Variants in NUP205 observed in about 807,000 individuals in gnomAD.
NUP205 encodes nuclear pore complex protein Nup205.
NUP205 carries 76 observed loss-of-function variants against 253.8 expected under a neutral mutation model. The observed-to-expected ratio is 0.30, with a 90% confidence interval of 0.25 to 0.36. The LOEUF is 0.36. NUP205 is among the 10% of genes least tolerant of loss of function. The probability of loss-of-function intolerance (pLI) is 1.00; values close to 1 mark genes in which losing one functional copy is unlikely to be tolerated. For synonymous variants in NUP205, 832 were observed against 850.1 expected (o/e 0.98, Z 0.37); for missense variants, 2,162 against 2,425.5 (o/e 0.89, Z 2.28).
rs770476500 is a variant in NUP205, at chr7:135,625,179, C to T, written c.4495C>T (p.Leu1499=). 3 of 1,612,844 alleles carry T rather than the reference C, an allele frequency of 1.9e-6. No homozygotes were observed. Among genetic ancestry groups the T allele is most frequent in the Admixed American group, 3.4e-5 (2 of 59,534 alleles). Residue 1499 remains leucine (L), a synonymous_variant, in exon 32 of 43, where the codon CTA becomes TTA. Coordinates refer to ENST00000285968, the MANE Select transcript of NUP205 (RefSeq NM_015135.3). ...HEIGRMLALA[L]LDRIVSVDKQ... ...CTTCCTTCAGATGCTGGCCCTGGCT[C>T]TACTTGATAGAATTGTCTCCGTGGA... is the stretch of plus-strand genomic sequence containing the variant.
At chr7:135,591,201 T>C (rs1026731167) in intron 10 of NUP205, among the ~76,000 whole-genome samples, 2 of 152,252 alleles carry the variant, frequency 1.3e-5, no homozygotes, top group Non-Finnish European at 2.9e-5. Flanking sequence ...AGTGGTCTTA[T>C]ATTTTGTGAC....
intron 30 of NUP205, among the ~76,000 whole-genome samples, chr7:135,620,176 A>G (rs1388102346): frequency 1.3e-5 from 2 of 152,192 alleles, no homozygotes; most frequent in Admixed American, 6.5e-5. Context: ...TGTGCTCTAC[A>G]TAGAATGGTC....
chr7:135,578,648 T>G (rs1806219160), intron 6 of NUP205, 103 bp from the exon 7 acceptor site: 1 of 768,180 alleles, frequency 1.3e-6, no homozygotes, highest in Non-Finnish European at 2.1e-6. Context: ...ATTATTCTTC[T>G]GTGAGAATGC....
At chr7:135,648,342 T>C in intron 42 of NUP205, 62 bp from the exon 43 acceptor site, 1 of 1,399,156 alleles carries the variant, frequency 7.1e-7, no homozygotes, top group Non-Finnish European at 9.4e-7. Flanking sequence ...ATTGGAAGAC[T>C]TAGAATAAAA....
rs572512251 is a variant in NUP205, at chr7:135,578,888, G to A, written c.1015G>A (p.Gly339Arg). The A allele has an allele frequency of 3.7e-6, 6 of 1,603,636 alleles. No homozygotes were observed. In the East Asian group the frequency reaches 9.0e-5, roughly 24 times the overall value. The change falls in exon 7 of 43, where the codon GGA (glycine) becomes AGA (arginine). Residue 339 changes from glycine (G) to arginine (R), a missense_variant. By Grantham distance (125) the Gly-to-Arg change is moderately radical. Around this residue, in one of 5 missense-constraint regions of NUP205, gnomAD observed 892 missense variants for 957.1 expected, o/e 0.93. Transcript: ENST00000285968. ...VRLAWALALR[G>R]ISQLPDVTAL... ...ACTTGCCTGGGCGCTGGCATTGAGG[G>A]GAATATCCCAGCTACCTGATGTGAC... is the stretch of plus-strand genomic sequence containing the variant.
intron 1 of NUP205, among the ~76,000 whole-genome samples, chr7:135,570,678 T>TATTAATATAATTAATATA (rs1805938271): frequency 1.0e-5 from 1 of 96,478 alleles, no homozygotes; most frequent in South Asian, 3.2e-4. Flanking sequence ...AATTAATATA[T>TATTAATATAATTAATATA]ATTAATTATA....
At chr7:135,604,292 C>T (rs1479800250) in intron 18 of NUP205, 48 bp from the exon 19 acceptor site, 1 of 1,538,358 alleles carries the variant, frequency 6.5e-7, no homozygotes, top group Non-Finnish European at 8.7e-7. Context: ...AATAGTGAGA[C>T]ACCAAAAATT....
At chr7:135,577,165 T>A (rs770239888) in intron 5 of NUP205, 37 bp downstream of exon 5, 4 of 1,572,606 alleles carry the variant, frequency 2.5e-6, no homozygotes. Flanking sequence ...GAGTTGTCTG[T>A]CAAATCTCAG....
chr7:135,572,347 A>G (rs1334875022), intron 2 of NUP205, among the ~76,000 whole-genome samples: 1 of 152,104 alleles, frequency 6.6e-6, no homozygotes, highest in Non-Finnish European at 1.5e-5. Context: ...GCTTGGTAAG[A>G]TTGATTATTT....
intron 31 of NUP205, among the ~76,000 whole-genome samples, chr7:135,623,276 C>T (rs970824608): frequency 6.6e-6 from 1 of 152,066 alleles, no homozygotes; most frequent in East Asian, 1.9e-4. Flanking sequence ...GAGTGAGACC[C>T]TGCTGCAAAA....
rs376128482 is a variant in NUP205 at position 135,565,418 on chromosome 7, T to A, written c.29-5687T>A. Among the ~76,000 whole-genome samples, 53 of 151,956 alleles carry A rather than the reference T, an allele frequency of 3.5e-4. 1 individual carries two copies. The South Asian group carries it at 9.6e-3, about 28-fold the overall frequency. On this transcript the variant is annotated intron_variant, in intron 1 of 42. Transcript: ENST00000285968. The stretch of plus-strand genomic sequence containing the variant: ...TCCTCCTGTACTGCCCTCATCCTAG[T>A]TTAGGTTCCATTTTCTTATTTTTTT...
chr7:135,588,033 G>A (rs749338437), intron 10 of NUP205, 41 bp downstream of exon 10: 7 of 1,526,242 alleles, frequency 4.6e-6, no homozygotes, highest in Non-Finnish European at 6.2e-6. Context: ...CTGGTACTGT[G>A]ATAGAGAGTC....
At chr7:135,579,103 A>G (rs140926137) in intron 7 of NUP205, among the ~76,000 whole-genome samples, 188 bp downstream of exon 7, 77 of 152,344 alleles carry the variant, frequency 5.1e-4, no homozygotes, top group African/African-American at 1.6e-3. Context: ...CAAAAATATC[A>G]TATGAAATAC....
At chr7:135,576,719 A>G (rs762072529) in intron 4 of NUP205, among the ~76,000 whole-genome samples, 8 of 152,050 alleles carry the variant, frequency 5.3e-5, no homozygotes, top group Non-Finnish European at 1.2e-4. Flanking sequence ...CCATCTCTAC[A>G]AAAAATAGAA....
At chr7:135,578,587 C>T (rs749459943) in intron 6 of NUP205, among the ~76,000 whole-genome samples, 164 bp from the exon 7 acceptor site, 6 of 152,046 alleles carry the variant, frequency 3.9e-5, no homozygotes, top group Non-Finnish European at 7.4e-5. Flanking sequence ...AGTATGTGTA[C>T]AATCAACAGT....
chr7:135,603,916 C>T (rs1360208726), intron 18 of NUP205, among the ~76,000 whole-genome samples: 1 of 152,162 alleles, frequency 6.6e-6, no homozygotes, highest in African/African-American at 2.4e-5. Flanking sequence ...AAAACTTGAG[C>T]TTTCTGGTGG....
intron 13 of NUP205, among the ~76,000 whole-genome samples, chr7:135,595,756 C>G (rs568321424): frequency 7.2e-5 from 11 of 151,808 alleles, no homozygotes; most frequent in African/African-American, 2.2e-4. Flanking sequence ...GAGATAAGCT[C>G]CATTAAAAAT....
chr7:135,608,062 T>A (rs963894054), intron 22 of NUP205, among the ~76,000 whole-genome samples: 1 of 149,324 alleles, frequency 6.7e-6, no homozygotes, highest in Non-Finnish European at 1.5e-5. Context: ...AGTCTCGCTC[T>A]GTTGCCCAGG....
At chr7:135,628,987 T>C (rs981069099) in intron 34 of NUP205, among the ~76,000 whole-genome samples, 10 of 152,234 alleles carry the variant, frequency 6.6e-5, no homozygotes. Context: ...GATTTTTTAG[T>C]AGAAGTGGGA....
Sources: gnomAD v4.1 joint callset for allele counts (sites outside exome capture counted in the v4.1 genomes callset) on GRCh38, gnomAD v4.1.1 for gene constraint, gnomAD v4.1.1 regional missense constraint, MANE v1.5 for transcripts, NCBI Gene and HGNC (gene_info 2026-07-23, HGNC 2026-07-21) for gene names.